The following ADAMTS18 variants were observed in gnomAD, a reference collection of about 807,000 sequenced individuals.
ADAMTS18 encodes the protein ADAM metallopeptidase with thrombospondin type 1 motif 18.
Under a neutral mutation model 165.9 loss-of-function variants are expected in ADAMTS18, and 157 were observed. The observed-to-expected ratio is 0.95, with a 90% CI of 0.83 to 1.08. The LOEUF is 1.08. ADAMTS18 is among the 50% of genes least tolerant of loss of function. ADAMTS18 has a pLI of 0.00. For missense variants in ADAMTS18, 2,040 were observed against 1,534.0 expected, an observed-to-expected ratio of 1.33 and a Z score of -5.51; for synonymous variants, 782 against 578.2, an observed-to-expected ratio of 1.35 and a Z score of -5.06.
intron 3 of ADAMTS18, among the ~76,000 whole-genome samples, chr16:77,376,548 G>C (rs993229371): frequency 2.0e-5 from 3 of 152,120 alleles, no homozygotes; most frequent in African/African-American, 7.2e-5. Context: ...AAAGGACTGG[G>C]TTGCGCCCGC....
At chr16:77,427,909 G>C (rs2057693524) in intron 3 of ADAMTS18, among the ~76,000 whole-genome samples, 1 of 152,208 alleles carries the variant, frequency 6.6e-6, no homozygotes, top group Non-Finnish European at 1.5e-5. Flanking sequence ...ACGCATGTCT[G>C]CTTATATGTA....
intron 3 of ADAMTS18, among the ~76,000 whole-genome samples, chr16:77,427,924 C>T (rs189863570): frequency 9.8e-5 from 15 of 152,342 alleles, no homozygotes; most frequent in Middle Eastern, 3.4e-3. Flanking sequence ...TATGTATGTA[C>T]GTACATACGT....
intron 3 of ADAMTS18, among the ~76,000 whole-genome samples, chr16:77,418,965 G>A (rs1038179034): frequency 3.3e-5 from 5 of 152,124 alleles, no homozygotes; most frequent in African/African-American, 1.2e-4. Context: ...CCTGGCCAAC[G>A]TGGTGAAACA....
At chr16:77,355,903 C>T (rs764202493) in intron 9 of ADAMTS18, 37 bp downstream of exon 9, 3 of 1,613,530 alleles carry the variant, frequency 1.9e-6, no homozygotes, top group Admixed American at 1.7e-5. Context: ...GTCATCACTC[C>T]AAACCTAGGA....
At position 77,295,038 on chromosome 16, in the gene ADAMTS18, A is replaced by G. The variant is rs778846417; in HGVS notation, c.2891T>C (p.Phe964Ser). 10 of 1,614,034 alleles carry G rather than the reference A, an allele frequency of 6.2e-6. No homozygotes were observed. In the Admixed American group the frequency reaches 1.5e-4, roughly 24 times the overall value. The part of the protein sequence containing the change: ...RKIQCVQKKP[F>S]QKEEAVLHSL... ...ATGCAACACTGCTTCCTCCTTTTGG[A>G]AGGGCTTCTTTTGCACACACTGGAT... Residue 964 changes from phenylalanine to serine, a missense_variant, in exon 19 of 23, where the codon TTC (phenylalanine) becomes TCC (serine). By Grantham distance (155) the Phe-to-Ser change is radical. Transcript: ENST00000282849.
intron 3 of ADAMTS18, among the ~76,000 whole-genome samples, chr16:77,412,669 G>A (rs927034877): frequency 1.3e-5 from 2 of 152,122 alleles, no homozygotes; most frequent in Admixed American, 1.3e-4. Flanking sequence ...GTCTTACATG[G>A]CAGCAGGCAA....
At chr16:77,375,775 T>C (rs546906968) in intron 3 of ADAMTS18, among the ~76,000 whole-genome samples, 3 of 152,304 alleles carry the variant, frequency 2.0e-5, no homozygotes, top group East Asian at 1.9e-4. Flanking sequence ...AGAGGTATAA[T>C]TGGCTCATGT....
At chr16:77,311,740 G>C (rs751221612) in intron 16 of ADAMTS18, among the ~76,000 whole-genome samples, 1 of 135,464 alleles carries the variant, frequency 7.4e-6, no homozygotes, top group African/African-American at 2.8e-5. Context: ...TGCAACTTTT[G>C]AATGAAACCA....
chr16:77,291,051 C>G, intron 21 of ADAMTS18: 1 of 528,890 alleles, frequency 1.9e-6, no homozygotes, highest in Non-Finnish European at 3.3e-6. Context: ...CAAATCAACT[C>G]TCCCAGATAA....
intron 3 of ADAMTS18, among the ~76,000 whole-genome samples, chr16:77,377,418 C>A (rs1454282276): frequency 6.6e-6 from 1 of 152,092 alleles, no homozygotes; most frequent in Non-Finnish European, 1.5e-5. Flanking sequence ...ATTTGTATCC[C>A]ACTATTTCTA....
At chr16:77,289,610 T>G (rs2055324462) in intron 21 of ADAMTS18, among the ~76,000 whole-genome samples, 199 bp from the exon 22 acceptor site, 1 of 152,240 alleles carries the variant, frequency 6.6e-6, no homozygotes, top group African/African-American at 2.4e-5. Flanking sequence ...AGAAGGGTTT[T>G]AGGCAAATGC....
At chr16:77,356,961 G>C (rs965452213) in intron 8 of ADAMTS18, among the ~76,000 whole-genome samples, 118 of 147,796 alleles carry the variant, frequency 8.0e-4, no homozygotes, top group African/African-American at 2.8e-3. Flanking sequence ...AAAAAATTCA[G>C]CACAGAGAAA....
In ADAMTS18 at chr16:77,297,239, A is replaced by C; in HGVS notation, c.2801+50T>G. 1.9e-6 allele frequency: 3 copies of C among 1,609,956 alleles called. 1 individual carries two copies. The highest frequency in any genetic ancestry group is 2.6e-6 in the Non-Finnish European group (3 of 1,176,364). On this transcript the variant is annotated intron_variant, in intron 18 of 22. Coordinates refer to ENST00000282849, the MANE Select transcript of ADAMTS18 (RefSeq NM_199355.4). ...CTTTCATCATCTCATAACAACAATG[A>C]AGGCATACAAGTACAAAACTAAACA... is the stretch of plus-strand genomic sequence containing the variant.
chr16:77,419,894 G>C lies in ADAMTS18; in HGVS notation c.495+11401C>G, dbSNP rs925220529. Among the ~76,000 whole-genome samples, 2 of 150,788 alleles carry C rather than the reference G, an allele frequency of 1.3e-5. 1 individual carries two copies. Among genetic ancestry groups the C allele is most frequent in the African/African-American group, 4.9e-5 (2 of 40,862 alleles). Reference sequence around the variant, plus strand: ...GGCGCCTGTAATCCCAGCTACTTGGGAGGCCGAGGCAGGAGAATTGCTTGA... The same window carrying C: ...GGCGCCTGTAATCCCAGCTACTTGGCAGGCCGAGGCAGGAGAATTGCTTGA... On this transcript the variant is annotated intron_variant, in intron 3 of 22. Transcript: ENST00000282849.
At chr16:77,380,892 G>T (rs2057020581) in intron 3 of ADAMTS18, among the ~76,000 whole-genome samples, 1 of 151,948 alleles carries the variant, frequency 6.6e-6, no homozygotes. Flanking sequence ...TTTATTTATT[G>T]AGACAGGGTC....
At chr16:77,367,415 G>C in intron 4 of ADAMTS18, 26 bp downstream of exon 4, 1 of 1,613,632 alleles carries the variant, frequency 6.2e-7, no homozygotes, top group Non-Finnish European at 8.5e-7. Flanking sequence ...CATAAGAACA[G>C]AAAAAGAAAA....
chr16:77,393,327 TC>T (rs1322080746), intron 3 of ADAMTS18, among the ~76,000 whole-genome samples: 6 of 152,150 alleles, frequency 3.9e-5, no homozygotes, highest in Non-Finnish European at 8.8e-5. Flanking sequence ...TTTGCATTCA[TC>T]CAATAGGGAA....
At chr16:77,299,600 C>A (rs1007736760) in intron 17 of ADAMTS18, among the ~76,000 whole-genome samples, 14 of 152,202 alleles carry the variant, frequency 9.2e-5, no homozygotes, top group Admixed American at 3.3e-4. Context: ...GTTTCAGGAA[C>A]TTATTTTGGG....
intron 3 of ADAMTS18, among the ~76,000 whole-genome samples, chr16:77,383,275 A>C (rs181057431): frequency 1.1e-3 from 168 of 152,068 alleles, no homozygotes; most frequent in Admixed American, 1.7e-3. Context: ...CTATCACTAC[A>C]AGATGAATTC....
Sources: allele counts gnomAD v4.1 joint callset (sites outside exome capture counted in the v4.1 genomes callset), GRCh38; gene constraint gnomAD v4.1.1; transcripts MANE v1.5; gene names NCBI Gene and HGNC (gene_info 2026-07-23, HGNC 2026-07-21).